Variants in AHCYL2 observed in about 807,000 individuals in gnomAD.
AHCYL2 encodes adenosylhomocysteinase like 2, also known as S-adenosylhomocysteine hydrolase-like protein 2.
A neutral mutation model predicts 81.4 loss-of-function variants in AHCYL2; 28 were observed. The ratio of observed to expected loss-of-function variants is 0.34; its 90% CI spans 0.25 to 0.47. The LOEUF is 0.47. Among genes scored for constraint, AHCYL2 ranks in the 20% least tolerant of loss-of-function variants. The probability of loss-of-function intolerance (pLI) is 1.00; values close to 1 mark genes in which losing one functional copy is unlikely to be tolerated. For synonymous variants in AHCYL2, 272 were observed against 290.2 expected, an observed-to-expected ratio of 0.94 and a Z score of 0.64; for missense variants, 551 against 785.1, an observed-to-expected ratio of 0.70 and a Z score of 3.56.
In AHCYL2 at chr7:129,406,542, T is replaced by C. The variant is rs1034121450; in HGVS notation, c.1295+76T>C. 1.2e-5 allele frequency: 17 copies of C among 1,395,304 alleles called. No homozygotes were observed. Among genetic ancestry groups the C allele is most frequent in the Non-Finnish European group, 1.6e-5 (16 of 981,396 alleles). 86.4% of individuals were successfully genotyped at this position (1,395,304 alleles called of 1,614,324 possible). On this transcript the variant is annotated intron_variant, in intron 10 of 16. Transcript: ENST00000325006. The surrounding 1 kb of genome is among the most constrained non-coding windows in gnomAD (Gnocchi z 4.3). ...GAATGGCCTGGTTGATGCCACACTT[T>C]ATTTTAGAGGAGCCCAGATCCTCAG...
intron 11 of AHCYL2, among the ~76,000 whole-genome samples, chr7:129,412,622 A>G (rs950843815): frequency 3.3e-5 from 5 of 151,988 alleles, no homozygotes; most frequent in Admixed American, 2.0e-4. Context: ...CCATTTTACA[A>G]TCCATCAACA....
At chr7:129,301,646 T>A (rs775664248) in intron 1 of AHCYL2, among the ~76,000 whole-genome samples, 2 of 152,204 alleles carry the variant, frequency 1.3e-5, no homozygotes, top group Non-Finnish European at 1.5e-5. Context: ...AGTTTTGGCA[T>A]GTTTGTCAAA....
intron 1 of AHCYL2, among the ~76,000 whole-genome samples, chr7:129,363,892 C>T (rs1425482759): frequency 6.6e-6 from 1 of 151,866 alleles, no homozygotes; most frequent in Admixed American, 6.6e-5. Context: ...TGGTTTAACA[C>T]TATCATGAAG....
chr7:129,307,443 G>C (rs1258413933), intron 1 of AHCYL2, among the ~76,000 whole-genome samples: 1 of 152,006 alleles, frequency 6.6e-6, no homozygotes, highest in African/African-American at 2.4e-5. Context: ...AAGGCCCAAG[G>C]GCTCTTCAGT....
chr7:129,421,097 T>A (rs1172547434), intron 12 of AHCYL2, among the ~76,000 whole-genome samples: 2 of 151,876 alleles, frequency 1.3e-5, no homozygotes, highest in East Asian at 3.9e-4. Flanking sequence ...CTAAAAAATA[T>A]AAAAATTAGC....
chr7:129,335,897 G>A (rs1798582382), intron 1 of AHCYL2, among the ~76,000 whole-genome samples: 1 of 152,112 alleles, frequency 6.6e-6, no homozygotes. Context: ...CAAGGGGACA[G>A]GTCCTAAATC....
intron 5 of AHCYL2, 144 bp from the exon 6 acceptor site, chr7:129,400,146 G>A (rs184083953): frequency 9.0e-5 from 59 of 655,260 alleles, no homozygotes; most frequent in African/African-American, 4.5e-4. Context: ...TGAAGGCAAC[G>A]CCAATCAGTG....
chr7:129,392,947 A>T (rs373787421), intron 4 of AHCYL2, among the ~76,000 whole-genome samples: 1 of 152,252 alleles, frequency 6.6e-6, no homozygotes. Flanking sequence ...ATGCTTCCTC[A>T]TTATGAGATT....
intron 1 of AHCYL2, among the ~76,000 whole-genome samples, chr7:129,303,754 G>A (rs927844281): frequency 6.6e-6 from 1 of 151,958 alleles, no homozygotes; most frequent in East Asian, 1.9e-4. Flanking sequence ...TATTTGATGC[G>A]TTTCTACTTT....
chr7:129,280,149 G>A (rs530337407), intron 1 of AHCYL2, among the ~76,000 whole-genome samples: 1 of 139,088 alleles, frequency 7.2e-6, no homozygotes, highest in African/African-American at 2.6e-5. Context: ...TTTATAAATT[G>A]ATCTTATAGT....
intron 1 of AHCYL2, among the ~76,000 whole-genome samples, chr7:129,227,403 T>C (rs950124275): frequency 1.4e-5 from 2 of 144,576 alleles, no homozygotes; most frequent in African/African-American, 2.6e-5. Context: ...GGTGGATTGC[T>C]CGAGTCCAGG....
chr7:129,304,419 A>T (rs1171247671), intron 1 of AHCYL2, among the ~76,000 whole-genome samples: 1 of 152,222 alleles, frequency 6.6e-6, no homozygotes, highest in African/African-American at 2.4e-5. Flanking sequence ...GTGCAGATTA[A>T]GTCCAGTGTT....
chr7:129,320,044 A>G (rs1298253380), intron 1 of AHCYL2, among the ~76,000 whole-genome samples: 3 of 152,176 alleles, frequency 2.0e-5, no homozygotes, highest in South Asian at 4.1e-4. Context: ...GTATGTGAGA[A>G]TTCCCATTTC....
intron 1 of AHCYL2, among the ~76,000 whole-genome samples, chr7:129,225,687 C>T (rs1794188120): frequency 6.6e-6 from 1 of 152,180 alleles, no homozygotes. Flanking sequence ...TCCCCTACTA[C>T]TTGGAATAGG....
intron 2 of AHCYL2, among the ~76,000 whole-genome samples, chr7:129,385,718 T>C (rs1459905707): frequency 6.6e-6 from 1 of 152,238 alleles, no homozygotes; most frequent in Non-Finnish European, 1.5e-5. Context: ...ATTGGTCACT[T>C]AACCACTTAG....
chr7:129,276,250 C>T (rs1188915849), intron 1 of AHCYL2, among the ~76,000 whole-genome samples: 2 of 151,024 alleles, frequency 1.3e-5, no homozygotes, highest in African/African-American at 4.9e-5. Context: ...TATATCATCA[C>T]AAAGAAGATG....
chr7:129,363,173 T>G (rs1793994439), intron 1 of AHCYL2, among the ~76,000 whole-genome samples: 1 of 152,152 alleles, frequency 6.6e-6, no homozygotes. Context: ...TTGCATAACT[T>G]TTTTTTGAAG....
At chr7:129,391,017 G>C (rs1795444395) in intron 4 of AHCYL2, among the ~76,000 whole-genome samples, 1 of 151,228 alleles carries the variant, frequency 6.6e-6, no homozygotes, top group Non-Finnish European at 1.5e-5. Flanking sequence ...ATATGAAGGA[G>C]GAATAAAAAA....
At chr7:129,251,291 T>C (rs1220860763) in intron 1 of AHCYL2, among the ~76,000 whole-genome samples, 1 of 151,690 alleles carries the variant, frequency 6.6e-6, no homozygotes, top group Non-Finnish European at 1.5e-5. Flanking sequence ...GTTCACTGTA[T>C]TGTTAACAGC....
Sources: allele counts gnomAD v4.1 joint callset (sites outside exome capture counted in the v4.1 genomes callset), GRCh38; gene constraint gnomAD v4.1.1; non-coding constraint Gnocchi (gnomAD v3.1); transcripts MANE v1.5; gene names NCBI Gene and HGNC (gene_info 2026-07-23, HGNC 2026-07-21).